TSGA10: variants seen among roughly 807,000 people sequenced by gnomAD.
The protein encoded by TSGA10 is testis-specific gene 10 protein.
A neutral mutation model predicts 96.6 loss-of-function variants in TSGA10; 43 were observed. The observed-to-expected ratio is 0.44, with a 90% CI of 0.35 to 0.57. The LOEUF (loss-of-function observed/expected upper bound fraction) is 0.57. Among genes scored for constraint, TSGA10 ranks in the 20% least tolerant of loss-of-function variants. The pLI is 0.01. For missense variants in TSGA10, 703 were observed against 834.4 expected (o/e 0.84, Z 1.94); for synonymous variants, 229 against 269.9 (o/e 0.85, Z 1.48).
intron 16 of TSGA10, among the ~76,000 whole-genome samples, chr2:99,043,140 T>C (rs760886381): frequency 2.0e-5 from 3 of 151,698 alleles, no homozygotes; most frequent in Non-Finnish European, 4.4e-5. Flanking sequence ...AAGGAAGATA[T>C]GATGACAATG....
rs145210119 is a variant in TSGA10, at chr2:99,115,460, T to C, written c.-140+2084A>G. 6.2e-3 allele frequency among the ~76,000 whole-genome samples: 939 copies of C among 152,244 alleles called. 13 individuals are homozygous for C. The highest frequency in any genetic ancestry group is 0.022 in the African/African-American group (909 of 41,550). Reference sequence around the variant, plus strand: ...TACTTTAACAGCATCCATTTGAAGATAAATAATTCAAAAGTTAAAAACAAA... The same window carrying C: ...TACTTTAACAGCATCCATTTGAAGACAAATAATTCAAAAGTTAAAAACAAA... On this transcript the variant is annotated intron_variant, in intron 4 of 20. Transcript: ENST00000393483.
At chr2:99,076,674 C>G (rs1213597717) in intron 12 of TSGA10, among the ~76,000 whole-genome samples, 1 of 152,050 alleles carries the variant, frequency 6.6e-6, no homozygotes, top group Non-Finnish European at 1.5e-5. Context: ...TTTCTTTGCC[C>G]TCCCATATCT....
intron 16 of TSGA10, among the ~76,000 whole-genome samples, chr2:99,037,482 C>T (rs1286964157): frequency 6.6e-6 from 1 of 152,058 alleles, no homozygotes; most frequent in African/African-American, 2.4e-5. Flanking sequence ...AAATTTGTGG[C>T]ATGTAGTTAA....
Position 99,037,685 on chromosome 2 carries a change from C to T in TSGA10, c.1405-2246G>A, listed in dbSNP as rs902692108. On this transcript the variant is annotated intron_variant, in intron 16 of 20. Transcript: ENST00000393483. ...CCAACATAATGAAACCCTGTCTCTA[C>T]TAAAAATACAAAAAATTAGCTGGGT... is the stretch of plus-strand genomic sequence containing the variant. Among the ~76,000 whole-genome samples the T allele has an allele frequency of 3.3e-5, 5 of 152,008 alleles. No homozygotes were observed. The South Asian group carries it at 8.3e-4, about 25-fold the overall frequency.
chr2:99,104,837 A>G (rs1339905012), intron 9 of TSGA10, among the ~76,000 whole-genome samples: 1 of 152,162 alleles, frequency 6.6e-6, no homozygotes, highest in Non-Finnish European at 1.5e-5. Flanking sequence ...AATATATTCA[A>G]TTATATTTGG....
At chr2:99,078,024 C>A (rs956378676) in intron 12 of TSGA10, among the ~76,000 whole-genome samples, 3 of 151,488 alleles carry the variant, frequency 2.0e-5, no homozygotes, top group Admixed American at 1.3e-4. Context: ...GTAATCCCAG[C>A]ACTTTGGGAG....
intron 16 of TSGA10, among the ~76,000 whole-genome samples, chr2:99,061,215 G>C (rs567120394): frequency 6.6e-6 from 1 of 152,186 alleles, no homozygotes; most frequent in South Asian, 2.1e-4. Context: ...TAAAAAGATG[G>C]GCAATAGATT....
At chr2:99,040,686 T>C (rs1168394927) in intron 16 of TSGA10, among the ~76,000 whole-genome samples, 4 of 151,784 alleles carry the variant, frequency 2.6e-5, no homozygotes, top group Admixed American at 1.3e-4. Flanking sequence ...AAAATGAGCA[T>C]ACTGCCAAAA....
intron 10 of TSGA10, among the ~76,000 whole-genome samples, chr2:99,088,390 A>G (rs911031776): frequency 2.0e-5 from 3 of 152,224 alleles, no homozygotes; most frequent in African/African-American, 7.2e-5. Context: ...ATAGGTATGT[A>G]TATTTAGGAA....
intron 10 of TSGA10, among the ~76,000 whole-genome samples, chr2:99,085,988 T>C (rs988849343): frequency 1.3e-5 from 2 of 152,140 alleles, no homozygotes; most frequent in Non-Finnish European, 2.9e-5. Context: ...AGCACAGAAA[T>C]AGACCACAGA....
chr2:99,114,414 C>A (rs2092076789), intron 4 of TSGA10, among the ~76,000 whole-genome samples: 1 of 152,162 alleles, frequency 6.6e-6, no homozygotes, highest in African/African-American at 2.4e-5. Context: ...GTGATTTCCT[C>A]ATTTCAGGGC....
chr2:99,138,138 A>G (rs1191940567), intron 1 of TSGA10, among the ~76,000 whole-genome samples: 3 of 152,200 alleles, frequency 2.0e-5, no homozygotes, highest in Admixed American at 1.3e-4. Flanking sequence ...GATATTTGCC[A>G]GTAACATTTG....
At position 99,115,240 on chromosome 2, in the gene TSGA10, G is replaced by T. The variant is rs147847187; in HGVS notation, c.-140+2304C>A. 6.6e-3 allele frequency among the ~76,000 whole-genome samples: 1,007 copies of T among 151,938 alleles called. 13 individuals are homozygous for T. Among genetic ancestry groups the T allele is most frequent in the African/African-American group, 0.024 (975 of 41,420 alleles). On this transcript the variant is annotated intron_variant, in intron 4 of 20. Transcript: ENST00000393483. The stretch of plus-strand genomic sequence containing the variant: ...AAGCCACCATGCTTGGCCCAATTTT[G>T]ATAATTTTTATAATTAAGACAGATG...
intron 1 of TSGA10, among the ~76,000 whole-genome samples, chr2:99,144,506 G>A (rs189863018): frequency 1.4e-4 from 21 of 151,894 alleles, no homozygotes; most frequent in Admixed American, 7.2e-4. Flanking sequence ...GAAAGCAGGC[G>A]GGGCACGGTG....
rs193050476 is a variant in TSGA10 at position 99,001,389 on chromosome 2, T to G, written c.2073-3168A>C. ...ACTCCAACAGACCTGCAGCTGAGGG[T>G]CCTGACTGTTAGAAGGAAAACTAAC... is the stretch of plus-strand genomic sequence containing the variant. On this transcript the variant is annotated intron_variant, in intron 20 of 20. Transcript: ENST00000393483. Among the ~76,000 whole-genome samples the G allele has an allele frequency of 3.8e-3, 575 of 152,128 alleles. 4 individuals carry two copies. The highest frequency in any genetic ancestry group is 0.017 in the Middle Eastern group (5 of 292).
In TSGA10 at chr2:99,068,961, A is replaced by C. The variant is rs2085596311; in HGVS notation, c.1145T>G (p.Leu382Arg). The change falls in exon 15 of 21, where the codon CTT (leucine) becomes CGT (arginine). Residue 382 changes from leucine to arginine, a missense_variant. Physicochemically the swap from Leu to Arg is moderately radical, Grantham distance 102. Coordinates refer to ENST00000393483, the MANE Select transcript of TSGA10 (RefSeq NM_025244.4). ...SKKLNDTHNE[L>R]NDIKQKVQDT... ...TTGAACCTTCTGTTTTATGTCATTA[A>C]GTTCATTATGAGTGTCATTCAATTT... The C allele has an allele frequency of 4.1e-6, 6 of 1,474,446 alleles. No individual in the cohort carries two copies. The highest frequency in any genetic ancestry group is 5.4e-6 in the Non-Finnish European group (6 of 1,116,998). The allele number at this position is 1,474,446 out of a possible 1,614,324, so 91.3% of individuals were successfully genotyped here.
In TSGA10 at chr2:98,998,153, G is replaced by T; in HGVS notation, c.*44C>A. The T allele has an allele frequency of 6.5e-7, 1 of 1,545,102 alleles. No individual in the cohort carries two copies. The highest frequency in any genetic ancestry group is 8.8e-7 in the Non-Finnish European group (1 of 1,140,528). On this transcript the variant is annotated 3_prime_UTR_variant, in exon 21 of 21. Transcript: ENST00000393483. Reference sequence around the variant, plus strand: ...GTAGCAAAAAAAAAAAAATCAGTTTGTAACTTTGACCTTTCTCAGGGATGT... The same window carrying T: ...GTAGCAAAAAAAAAAAAATCAGTTTTTAACTTTGACCTTTCTCAGGGATGT...
In TSGA10 at chr2:99,020,495, A is replaced by G; in HGVS notation, c.1615-13T>C. 1 of 1,580,364 alleles carries G rather than the reference A, an allele frequency of 6.3e-7. No individual in the cohort carries two copies. Among genetic ancestry groups the G allele is most frequent in the Non-Finnish European group, 8.7e-7 (1 of 1,151,250 alleles). On this transcript the variant is annotated splice_polypyrimidine_tract_variant and intron_variant, in intron 17 of 20. Coordinates refer to ENST00000393483, the MANE Select transcript of TSGA10 (RefSeq NM_025244.4). ...ACTCATTCTCCCTCTGTTCAATAAC[A>G]AGAAGATATCTACACTTATTCCCAT...
At chr2:99,002,889 T>C (rs2078066689) in intron 20 of TSGA10, among the ~76,000 whole-genome samples, 1 of 151,410 alleles carries the variant, frequency 6.6e-6, no homozygotes. Flanking sequence ...AGAAAGAGTC[T>C]CACTCTGTCG....
Sources: allele counts gnomAD v4.1 joint callset (sites outside exome capture counted in the v4.1 genomes callset), GRCh38; gene constraint gnomAD v4.1.1; transcripts MANE v1.5; gene names NCBI Gene and HGNC (gene_info 2026-07-23, HGNC 2026-07-21).